The following CA13 variants were observed in gnomAD, a reference collection of about 807,000 sequenced individuals.
The protein encoded by CA13 is carbonic anhydrase 13.
Under a neutral mutation model 31.5 loss-of-function variants are expected in CA13, and 21 were observed. The ratio of observed to expected loss-of-function variants is 0.67; its 90% CI spans 0.47 to 0.96. CA13 has a LOEUF of 0.96. Among genes scored for constraint, CA13 ranks in the 40% least tolerant of loss-of-function variants. The probability of loss-of-function intolerance (pLI) is 0.00; values close to 1 mark genes in which losing one functional copy is unlikely to be tolerated. For missense variants in CA13, 315 were observed against 318.9 expected (o/e 0.99, Z 0.09); for synonymous variants, 117 against 111.4 (o/e 1.05, Z -0.32).
At chr8:85,277,391 C>A (rs1233328640) in intron 6 of CA13, among the ~76,000 whole-genome samples, 1 of 152,052 alleles carries the variant, frequency 6.6e-6, no homozygotes, top group Non-Finnish European at 1.5e-5. Context: ...CACTCCTGAG[C>A]CAGCGAGACC....
chr8:85,254,250 C>G (rs1229902786), intron 2 of CA13, among the ~76,000 whole-genome samples: 1 of 149,644 alleles, frequency 6.7e-6, no homozygotes, highest in Non-Finnish European at 1.5e-5. Context: ...TGCACTCCAG[C>G]CTGGGCAACA....
At chr8:85,274,824 A>G (rs1406546140) in intron 6 of CA13, among the ~76,000 whole-genome samples, 2 of 152,216 alleles carry the variant, frequency 1.3e-5, no homozygotes, top group African/African-American at 2.4e-5. Flanking sequence ...GATGTGTTGC[A>G]GACGCCACTC....
At chr8:85,251,314 T>G (rs950070593) in intron 2 of CA13, among the ~76,000 whole-genome samples, 3 of 152,176 alleles carry the variant, frequency 2.0e-5, no homozygotes, top group African/African-American at 7.2e-5. Context: ...CACTCTCTAA[T>G]CTTTCATGTT....
At chr8:85,255,403 C>G (rs950677790) in intron 2 of CA13, among the ~76,000 whole-genome samples, 1 of 152,064 alleles carries the variant, frequency 6.6e-6, no homozygotes, top group Admixed American at 6.6e-5. Flanking sequence ...GCTGGGATTA[C>G]AGGCGCACGT....
At chr8:85,275,973 GCCC>G (rs1807597114) in intron 6 of CA13, among the ~76,000 whole-genome samples, 1 of 152,258 alleles carries the variant, frequency 6.6e-6, no homozygotes, top group Non-Finnish European at 1.5e-5. Context: ...CACTTGAGGA[GCCC>G]TTCAGCCCGC....
intron 6 of CA13, among the ~76,000 whole-genome samples, chr8:85,272,301 G>C (rs1190516403): frequency 6.6e-6 from 1 of 151,988 alleles, no homozygotes; most frequent in Non-Finnish European, 1.5e-5. Context: ...TGTTGCCCAG[G>C]CTGGAGTGGA....
chr8:85,258,908 C>A (rs1455328944), intron 2 of CA13, among the ~76,000 whole-genome samples: 2 of 149,464 alleles, frequency 1.3e-5, no homozygotes, highest in African/African-American at 4.9e-5. Flanking sequence ...GCTTAGGCAA[C>A]AGGGCGAGAC....
rs1807708884 is a variant in CA13, at chr8:85,281,591, C to G, written c.*242C>G. On this transcript the variant is annotated 3_prime_UTR_variant, in exon 7 of 7. Coordinates refer to ENST00000321764, the MANE Select transcript of CA13 (RefSeq NM_198584.3). The stretch of plus-strand genomic sequence containing the variant: ...GCAGTGGTACAGTCTTGGCTAATTG[C>G]AGCCTCCAACTCCTGGACTCAAGTG... 2 of 864,840 alleles carry G rather than the reference C, an allele frequency of 2.3e-6. No homozygotes were observed. Among genetic ancestry groups the G allele is most frequent in the Non-Finnish European group, 3.0e-6 (2 of 669,116 alleles). 53.6% of individuals were successfully genotyped at this position (864,840 alleles called of 1,614,324 possible).
Position 85,282,414 on chromosome 8 carries a change from C to T in CA13, c.*1065C>T, listed in dbSNP as rs1807721301. On this transcript the variant is annotated 3_prime_UTR_variant, in exon 7 of 7. Coordinates refer to ENST00000321764, the MANE Select transcript of CA13 (RefSeq NM_198584.3). The stretch of plus-strand genomic sequence containing the variant: ...AGTGCCTGCCAGTTTATGACATTAA[C>T]TTGGTTTGAAACTAACATATGACAT... The T allele has an allele frequency of 6.5e-6, 1 of 152,740 alleles. No homozygotes were observed. The highest frequency in any genetic ancestry group is 2.4e-5 in the African/African-American group (1 of 41,578). 9.5% of individuals were successfully genotyped at this position (152,740 alleles called of 1,614,324 possible).
intron 3 of CA13, among the ~76,000 whole-genome samples, chr8:85,262,465 T>TA (rs1252552990): frequency 1.3e-5 from 2 of 152,114 alleles, no homozygotes; most frequent in Non-Finnish European, 2.9e-5. Context: ...AGGAGGCTCA[T>TA]ACATTTGAAA....
Position 85,273,029 on chromosome 8 carries a change from G to T in CA13, c.669+4402G>T, listed in dbSNP as rs542263523. ...GACAGGGTTTCATCATGTTAGCCAG[G>T]CTGGTCTCAAACTCCCGACTTCAAG... On this transcript the variant is annotated intron_variant, in intron 6 of 6. Transcript: ENST00000321764. Among the ~76,000 whole-genome samples the T allele has an allele frequency of 5.9e-5, 9 of 152,286 alleles. 1 individual carries two copies. The highest frequency in any genetic ancestry group is 5.9e-4 in the Admixed American group (9 of 15,294).
chr8:85,265,689 G>A (rs563936288), intron 3 of CA13, among the ~76,000 whole-genome samples: 5 of 152,190 alleles, frequency 3.3e-5, no homozygotes, highest in African/African-American at 9.6e-5. Flanking sequence ...AAAATGATAA[G>A]CATTTTTATG....
Position 85,266,640 on chromosome 8 carries a change from C to T in CA13, c.387C>T (p.Tyr129=). Residue 129 remains tyrosine (Y), a synonymous_variant, in exon 4 of 7, where the codon TAC becomes TAT. Coordinates refer to ENST00000321764, the MANE Select transcript of CA13 (RefSeq NM_198584.3). The part of the protein sequence containing the change: ...LHVVHWNSDK[Y]PSFVEAAHEP... ...TTGTTCACTGGAATTCAGACAAATA[C>T]CCCAGCTTTGTTGAGGCAGCTCATG... 2.5e-6 allele frequency: 4 copies of T among 1,613,956 alleles called. No homozygotes were observed. The South Asian group carries it at 3.3e-5, about 13-fold the overall frequency.
At chr8:85,275,342 G>C (rs1807586765) in intron 6 of CA13, among the ~76,000 whole-genome samples, 1 of 152,128 alleles carries the variant, frequency 6.6e-6, no homozygotes, top group Non-Finnish European at 1.5e-5. Context: ...GTGCAGGACT[G>C]TGGGCATTCC....
At chr8:85,275,077 T>G (rs1237685729) in intron 6 of CA13, among the ~76,000 whole-genome samples, 2 of 152,160 alleles carry the variant, frequency 1.3e-5, no homozygotes, top group African/African-American at 4.8e-5. Context: ...TTCATAGGAT[T>G]GTCCCACAGT....
intron 6 of CA13, among the ~76,000 whole-genome samples, chr8:85,276,639 C>G (rs1353182244): frequency 2.0e-5 from 3 of 151,834 alleles, no homozygotes; most frequent in African/African-American, 7.3e-5. Flanking sequence ...CCAATGGACA[C>G]TCTGTATGTA....
intron 2 of CA13, among the ~76,000 whole-genome samples, chr8:85,252,914 G>T (rs952843087): frequency 4.0e-5 from 6 of 151,238 alleles, no homozygotes; most frequent in African/African-American, 1.5e-4. Context: ...CTTCATATTT[G>T]TCAAATTCAT....
intron 2 of CA13, among the ~76,000 whole-genome samples, chr8:85,254,066 G>T (rs1232833848): frequency 1.3e-5 from 2 of 152,012 alleles, no homozygotes; most frequent in Non-Finnish European, 2.9e-5. Flanking sequence ...ATCACCTGAG[G>T]TCAAGATTTT....
At chr8:85,248,939 GA>G (rs956692348) in intron 1 of CA13, among the ~76,000 whole-genome samples, 7 of 151,950 alleles carry the variant, frequency 4.6e-5, no homozygotes, top group Non-Finnish European at 7.4e-5. Context: ...AATTAAGGGG[GA>G]AAAAAGTCTA....
Sources: gnomAD v4.1 joint callset for allele counts (sites outside exome capture counted in the v4.1 genomes callset) on GRCh38, gnomAD v4.1.1 for gene constraint, MANE v1.5 for transcripts, NCBI Gene and HGNC (gene_info 2026-07-23, HGNC 2026-07-21) for gene names.